EIF5B: variants seen among roughly 807,000 people sequenced by gnomAD.
EIF5B encodes eIF-5B.
A neutral mutation model predicts 147.5 loss-of-function variants in EIF5B; 47 were observed. The observed-to-expected ratio is 0.32, with a 90% CI of 0.25 to 0.41. The LOEUF (loss-of-function observed/expected upper bound fraction) is 0.41, where lower values mean the gene tolerates loss of function less well. Among genes scored for constraint, EIF5B ranks in the 10% least tolerant of loss-of-function variants. The probability of loss-of-function intolerance (pLI) is 1.00; values close to 1 mark genes in which losing one functional copy is unlikely to be tolerated. For synonymous variants in EIF5B, 455 were observed against 456.2 expected (o/e 1.00, Z 0.03); for missense variants, 1,064 against 1,413.2 (o/e 0.75, Z 3.96).
In EIF5B at chr2:99,376,438, AGAAGAGGAG is replaced by A. The variant is rs747928430; in HGVS notation, c.1655_1663del (p.Glu552_Glu554del). On this transcript the variant is annotated inframe_deletion, in exon 10 of 24. Transcript: ENST00000289371. Reference sequence around the variant, plus strand: ...AGGAAGAAGAAGATGAAGAAAGTGAAGAAGAGGAGGAAGAGGAGGGAGAAAGTGAAGGCA... The same window carrying A: ...AGGAAGAAGAAGATGAAGAAAGTGAAGAAGAGGAGGGAGAAAGTGAAGGCA... The A allele has an allele frequency of 3.9e-5, 62 of 1,587,734 alleles. No homozygotes were observed. Among genetic ancestry groups the A allele is most frequent in the South Asian group, 5.5e-5 (5 of 90,108 alleles).
intron 6 of EIF5B, among the ~76,000 whole-genome samples, chr2:99,368,131 A>G (rs1674368200): frequency 6.6e-6 from 1 of 152,212 alleles, no homozygotes; most frequent in Non-Finnish European, 1.5e-5. Context: ...CATTTATGTG[A>G]CATTTTAGAA....
intron 1 of EIF5B, chr2:99,340,773 T>A (rs1204113405): frequency 6.6e-6 from 1 of 151,826 alleles, no homozygotes; most frequent in Non-Finnish European, 1.5e-5. Flanking sequence ...GTGAAAAATC[T>A]TCTTTTTTTT....
At chr2:99,346,407 ATTAT>A (rs934228220) in intron 1 of EIF5B, among the ~76,000 whole-genome samples, 1 of 152,056 alleles carries the variant, frequency 6.6e-6, no homozygotes, top group African/African-American at 2.4e-5. Context: ...TTTATTAGTA[ATTAT>A]TAGTTTGTTA....
At chr2:99,391,499 G>A (rs1674928766) in intron 17 of EIF5B, among the ~76,000 whole-genome samples, 2 of 152,300 alleles carry the variant, frequency 1.3e-5, no homozygotes, top group South Asian at 4.2e-4. Context: ...TGGAGAATCA[G>A]AACGCTGCTG....
rs1378781819 is a variant in EIF5B at position 99,396,812 on chromosome 2, A to C, written c.3307A>C (p.Asn1103His). The C allele has an allele frequency of 6.2e-7, 1 of 1,613,742 alleles. No individual in the cohort carries two copies. ...AAAAATCCTCCCTCAGTACATTTTTAATTCTCGAGATCCGATAGTGATGGG... is the reference window on the plus strand; with the variant it reads ...AAAAATCCTCCCTCAGTACATTTTTCATTCTCGAGATCCGATAGTGATGGG... Reference protein sequence around the residue: ...KIKILPQYIFNSRDPIVMGVT... With the variant: ...KIKILPQYIFHSRDPIVMGVT... Residue 1103 changes from asparagine to histidine, a missense_variant, in exon 22 of 24, where the codon AAT becomes CAT. By Grantham distance (68) the Asn-to-His change is moderately conservative. This residue lies in a region of EIF5B where 380 missense variants were observed against 715.6 expected (regional missense o/e 0.53). Coordinates refer to ENST00000289371, the MANE Select transcript of EIF5B (RefSeq NM_015904.4).
intron 18 of EIF5B, among the ~76,000 whole-genome samples, chr2:99,393,816 C>A (rs1365335992): frequency 6.6e-6 from 1 of 152,192 alleles, no homozygotes; most frequent in African/African-American, 2.4e-5. Flanking sequence ...GGTTAAAAAT[C>A]TCTTCTTCCA....
At position 99,394,468 on chromosome 2, in the gene EIF5B, C is replaced by G. The variant is rs759755057; in HGVS notation, c.3013-41C>G. ...TGGTTTTTGGTGCCATCGCCATTAC[C>G]TGATACATACAGATAAACATGGAAA... is the stretch of plus-strand genomic sequence containing the variant. On this transcript the variant is annotated intron_variant, in intron 19 of 23. Coordinates refer to ENST00000289371, the MANE Select transcript of EIF5B (RefSeq NM_015904.4). The G allele has an allele frequency of 1.9e-6, 3 of 1,613,630 alleles. No homozygotes were observed. The African/African-American group carries it at 4.0e-5, about 22-fold the overall frequency.
Position 99,378,874 on chromosome 2 carries a change from A to G in EIF5B, c.1843-145A>G. Reference sequence around the variant, plus strand: ...GGAATTCGATTGTAAAGTTCACATTATAAATTCCAATTATGTGTAGTCAAA... The same window carrying G: ...GGAATTCGATTGTAAAGTTCACATTGTAAATTCCAATTATGTGTAGTCAAA... On this transcript the variant is annotated intron_variant, in intron 10 of 23. Coordinates refer to ENST00000289371, the MANE Select transcript of EIF5B (RefSeq NM_015904.4). The G allele has an allele frequency of 5.0e-6, 3 of 594,060 alleles. No homozygotes were observed. The South Asian group carries it at 1.0e-4, about 20-fold the overall frequency. The allele number at this position is 594,060 out of a possible 1,614,324, so 36.8% of individuals were successfully genotyped here.
Position 99,361,320 on chromosome 2 carries a change from A to G in EIF5B, c.419A>G (p.Asp140Gly), listed in dbSNP as rs1288474102. 4 of 1,608,816 alleles carry G rather than the reference A, an allele frequency of 2.5e-6. No homozygotes were observed. The highest frequency in any genetic ancestry group is 1.7e-5 in the Admixed American group (1 of 58,924). Residue 140 changes from aspartate (D) to glycine (G), a missense_variant, in exon 4 of 24, where the codon GAT becomes GGT. By Grantham distance (94) the Asp-to-Gly change is moderately conservative. This residue lies in a region of EIF5B where 458 missense variants were observed against 451.3 expected (regional missense o/e 1.01). Coordinates refer to ENST00000289371, the MANE Select transcript of EIF5B (RefSeq NM_015904.4). ...GAAATGTACTCTGGGAGTGATGATG[A>G]TGATGATTTTAACAAACTTCCTAAA... ...KVEMYSGSDD[D>G]DDFNKLPKKA...
chr2:99,373,349 A>C (rs1674493812), intron 9 of EIF5B, among the ~76,000 whole-genome samples: 1 of 152,166 alleles, frequency 6.6e-6, no homozygotes, highest in Non-Finnish European at 1.5e-5. Context: ...TGCCTGGTAA[A>C]GGCTGCTGTC....
At chr2:99,380,520 T>A (rs1674666935) in intron 12 of EIF5B, among the ~76,000 whole-genome samples, 1 of 152,244 alleles carries the variant, frequency 6.6e-6, no homozygotes, top group African/African-American at 2.4e-5. Context: ...ATTCATGCTG[T>A]CTGATATAGC....
At chr2:99,338,034 G>A (rs978263836) in intron 1 of EIF5B, among the ~76,000 whole-genome samples, 3 of 152,182 alleles carry the variant, frequency 2.0e-5, no homozygotes, top group African/African-American at 7.2e-5. Context: ...CTCTACTCGC[G>A]GTTTCAGGTA....
chr2:99,386,267 T>C (rs981956368), intron 14 of EIF5B, among the ~76,000 whole-genome samples: 4 of 152,240 alleles, frequency 2.6e-5, no homozygotes, highest in African/African-American at 7.2e-5. Flanking sequence ...CATGTACTTA[T>C]GCTTAGAGAG....
At position 99,361,185 on chromosome 2, in the gene EIF5B, A is replaced by G; in HGVS notation, c.284A>G (p.Asp95Gly). The change falls in exon 4 of 24, where the codon GAT becomes GGT. Residue 95 changes from aspartate to glycine, a missense_variant. Around this residue, in one of 4 missense-constraint regions of EIF5B, gnomAD observed 458 missense variants for 451.3 expected, o/e 1.01. Coordinates refer to ENST00000289371, the MANE Select transcript of EIF5B (RefSeq NM_015904.4). Reference protein sequence around the residue: ...ENNEEEFTSKDKKKKGQKGKK... With the variant: ...ENNEEEFTSKGKKKKGQKGKK... ...AATGAAGAGGAATTCACCTCAAAAG[A>G]TAAAAAAAAGAAAGGACAGAAGGGC... The G allele has an allele frequency of 7.7e-6, 12 of 1,561,462 alleles. No homozygotes were observed. The highest frequency in any genetic ancestry group is 1.0e-5 in the Non-Finnish European group (12 of 1,162,384).
chr2:99,367,501 A>G (rs1009901512), intron 6 of EIF5B, among the ~76,000 whole-genome samples: 4 of 151,676 alleles, frequency 2.6e-5, no homozygotes, highest in African/African-American at 4.8e-5. Context: ...CAGTGGCGCA[A>G]TCTCAGCCCA....
intron 14 of EIF5B, among the ~76,000 whole-genome samples, chr2:99,389,299 A>ATTAATCC (rs1674874413): frequency 2.6e-5 from 4 of 152,354 alleles, no homozygotes; most frequent in African/African-American, 9.6e-5. Flanking sequence ...GAGCAATAAA[A>ATTAATCC]TAATTAAAAT....
chr2:99,372,100 G>A (rs1674463044), intron 9 of EIF5B, among the ~76,000 whole-genome samples: 1 of 152,104 alleles, frequency 6.6e-6, no homozygotes, highest in African/African-American at 2.4e-5. Flanking sequence ...AAACGTTTTT[G>A]TCATTGTTTC....
At position 99,376,581 on chromosome 2, in the gene EIF5B, A is replaced by G. The variant is rs754223297; in HGVS notation, c.1787A>G (p.Asp596Gly). The change falls in exon 10 of 24, where the codon GAT becomes GGT. Residue 596 changes from aspartate to glycine, a missense_variant. By Grantham distance (94) the Asp-to-Gly change is moderately conservative. Transcript: ENST00000289371. ...AGCTCAGATTCTGAATATGACTCTG[A>G]TGATGATCGGACTAAAGAAGAAAGG... The part of the protein sequence containing the change: ...EMSSDSEYDS[D>G]DDRTKEERAY... The G allele has an allele frequency of 6.2e-7, 1 of 1,613,924 alleles. No individual in the cohort carries two copies. The highest frequency in any genetic ancestry group is 8.5e-7 in the Non-Finnish European group (1 of 1,179,960).
chr2:99,377,457 C>A lies in EIF5B; in HGVS notation c.1842+821C>A, dbSNP rs189077658. The stretch of plus-strand genomic sequence containing the variant: ...GGACTGTTCTCTTCCTTGTATGATA[C>A]CAAACAACATCTTGGCCTTTGCCTA... On this transcript the variant is annotated intron_variant, in intron 10 of 23. Transcript: ENST00000289371. Among the ~76,000 whole-genome samples the A allele has an allele frequency of 1.5e-4, 22 of 150,968 alleles. 1 individual carries two copies. In the East Asian group the frequency reaches 2.9e-3, roughly 20 times the overall value.
Sources: gnomAD v4.1 joint callset for allele counts (sites outside exome capture counted in the v4.1 genomes callset) on GRCh38, gnomAD v4.1.1 for gene constraint, gnomAD v4.1.1 regional missense constraint, MANE v1.5 for transcripts, NCBI Gene and HGNC (gene_info 2026-07-23, HGNC 2026-07-21) for gene names.